Variants in UBE2E2 observed in about 807,000 individuals in gnomAD.
UBE2E2 encodes ubiquitin-conjugating enzyme E2 E2.
A neutral mutation model predicts 24.7 loss-of-function variants in UBE2E2; 6 were observed. The ratio of observed to expected loss-of-function variants is 0.24; its 90% CI spans 0.13 to 0.48. UBE2E2 has a LOEUF of 0.48. Among genes scored for constraint, UBE2E2 ranks in the 20% least tolerant of loss-of-function variants. The pLI, the probability that UBE2E2 is intolerant of heterozygous loss-of-function variation, is 0.99. For synonymous variants in UBE2E2, 104 were observed against 83.6 expected (o/e 1.24, Z -1.33); for missense variants, 169 against 245.0 (o/e 0.69, Z 2.07).
chr3:23,522,928 A>C (rs1694902322), intron 4 of UBE2E2, among the ~76,000 whole-genome samples: 1 of 152,178 alleles, frequency 6.6e-6, no homozygotes, highest in Non-Finnish European at 1.5e-5. Context: ...ACTCACACTC[A>C]AAGATTTCTG....
chr3:23,236,772 TC>T (rs1697124847), intron 3 of UBE2E2, among the ~76,000 whole-genome samples: 1 of 152,118 alleles, frequency 6.6e-6, no homozygotes, highest in African/African-American at 2.4e-5. Context: ...CTTAAACATT[TC>T]CTGTGGATGT....
intron 3 of UBE2E2, among the ~76,000 whole-genome samples, chr3:23,321,677 C>T (rs1289261113): frequency 1.4e-5 from 2 of 147,430 alleles, no homozygotes; most frequent in Admixed American, 6.9e-5. Flanking sequence ...CATGGCTTCC[C>T]ACTATTATGA....
chr3:23,217,702 A>T lies in UBE2E2; in HGVS notation c.227+390A>T, dbSNP rs186488793. Among the ~76,000 whole-genome samples, 263 of 152,198 alleles carry T rather than the reference A, an allele frequency of 1.7e-3. 1 individual carries two copies. Among genetic ancestry groups the T allele is most frequent in the Non-Finnish European group, 2.8e-3 (189 of 67,970 alleles). On this transcript the variant is annotated intron_variant, in intron 3 of 5. Coordinates refer to ENST00000396703, the MANE Select transcript of UBE2E2 (RefSeq NM_152653.4). ...GTTATCTTGTTGGAATTTGATTTTT[A>T]AAAATGCAGACACATTAAACAGTGT... is the stretch of plus-strand genomic sequence containing the variant.
intron 3 of UBE2E2, among the ~76,000 whole-genome samples, chr3:23,424,893 A>G (rs993550655): frequency 2.0e-5 from 3 of 152,176 alleles, no homozygotes; most frequent in South Asian, 2.1e-4. Flanking sequence ...TAAATTGGTT[A>G]TATCTGGTGG....
intron 3 of UBE2E2, among the ~76,000 whole-genome samples, chr3:23,306,396 A>G (rs548205429): frequency 1.3e-5 from 2 of 152,346 alleles, no homozygotes; most frequent in African/African-American, 4.8e-5. Flanking sequence ...TTGGATCTAA[A>G]GACAAATATT....
At chr3:23,469,269 G>T (rs1203814516) in intron 3 of UBE2E2, among the ~76,000 whole-genome samples, 1 of 152,124 alleles carries the variant, frequency 6.6e-6, no homozygotes, top group Admixed American at 6.6e-5. Flanking sequence ...ATTTGTGGGG[G>T]ACACAAACAT....
intron 5 of UBE2E2, among the ~76,000 whole-genome samples, chr3:23,539,563 C>T (rs555778039): frequency 8.6e-4 from 131 of 152,276 alleles, no homozygotes; most frequent in African/African-American, 2.9e-3. Flanking sequence ...TTCCTTACTT[C>T]TGTTTCCTTA....
chr3:23,225,007 A>G (rs990948777), intron 3 of UBE2E2, among the ~76,000 whole-genome samples: 3 of 146,344 alleles, frequency 2.0e-5, no homozygotes, highest in African/African-American at 7.6e-5. Context: ...ATGAAGTGGT[A>G]TTTTGTTGTG....
intron 5 of UBE2E2, among the ~76,000 whole-genome samples, chr3:23,550,977 G>T (rs1319370568): frequency 6.6e-6 from 1 of 152,080 alleles, no homozygotes; most frequent in African/African-American, 2.4e-5. Flanking sequence ...TTATTAGTAG[G>T]GATGAATTAC....
At chr3:23,363,861 G>A (rs1696190923) in intron 3 of UBE2E2, among the ~76,000 whole-genome samples, 1 of 151,618 alleles carries the variant, frequency 6.6e-6, no homozygotes, top group Admixed American at 6.6e-5. Flanking sequence ...ATCTGCACAT[G>A]GCATGTACTC....
chr3:23,546,554 A>G (rs995639464), intron 5 of UBE2E2, among the ~76,000 whole-genome samples: 3 of 143,942 alleles, frequency 2.1e-5, no homozygotes, highest in East Asian at 4.0e-4. Flanking sequence ...GCTCACCACA[A>G]CCCCCACCTC....
At chr3:23,347,788 G>T (rs770344586) in intron 3 of UBE2E2, among the ~76,000 whole-genome samples, 1 of 151,954 alleles carries the variant, frequency 6.6e-6, no homozygotes, top group Non-Finnish European at 1.5e-5. Flanking sequence ...TACTACTTCT[G>T]TGTCTCAATT....
At chr3:23,437,553 A>C (rs778497) in intron 3 of UBE2E2, among the ~76,000 whole-genome samples, 25,412 of 152,168 alleles carry the variant, frequency 0.17, 2,172 homozygotes, top group East Asian at 0.23. Flanking sequence ...CTTCATCTTC[A>C]TCATTAAGGG....
chr3:23,432,155 G>A (rs1387932922), intron 3 of UBE2E2, among the ~76,000 whole-genome samples: 2 of 152,120 alleles, frequency 1.3e-5, no homozygotes, highest in Non-Finnish European at 2.9e-5. Context: ...TATATCACAA[G>A]CAGTCAAATT....
intron 3 of UBE2E2, among the ~76,000 whole-genome samples, chr3:23,472,228 A>G (rs1699045456): frequency 6.6e-6 from 1 of 152,240 alleles, no homozygotes; most frequent in Non-Finnish European, 1.5e-5. Flanking sequence ...CTTTCTGTCC[A>G]GCCAGACTTA....
At chr3:23,203,178 G>A (rs1401648055), upstream of UBE2E2, 21 of 985,832 alleles carry the variant, frequency 2.1e-5, no homozygotes, top group Non-Finnish European at 2.5e-5. Context: ...CAGGACTCAG[G>A]GGCAGCCACA....
chr3:23,572,832 G>A (rs962550404), intron 5 of UBE2E2, among the ~76,000 whole-genome samples: 2 of 152,140 alleles, frequency 1.3e-5, no homozygotes, highest in East Asian at 1.9e-4. Flanking sequence ...TGTGAATAGC[G>A]CTGCAGTGAA....
chr3:23,529,891 A>G (rs1695083119), intron 4 of UBE2E2, among the ~76,000 whole-genome samples: 1 of 152,160 alleles, frequency 6.6e-6, no homozygotes, highest in Non-Finnish European at 1.5e-5. Context: ...TTAACTCATT[A>G]AATATCTGTC....
At chr3:23,233,992 T>G (rs1364053242) in intron 3 of UBE2E2, among the ~76,000 whole-genome samples, 3 of 152,166 alleles carry the variant, frequency 2.0e-5, no homozygotes, top group African/African-American at 7.2e-5. Flanking sequence ...AATTATCAAA[T>G]GTCAATTATC....
Sources: allele counts gnomAD v4.1 joint callset (sites outside exome capture counted in the v4.1 genomes callset), GRCh38; gene constraint gnomAD v4.1.1; transcripts MANE v1.5; gene names NCBI Gene and HGNC (gene_info 2026-07-23, HGNC 2026-07-21).